RSL1D1: variants seen among roughly 807,000 people sequenced by gnomAD.
RSL1D1 encodes the protein ribosomal L1 domain containing 1.
In RSL1D1, 34 loss-of-function variants were observed where a neutral mutation model predicts 44.6. The observed-to-expected ratio is 0.76, with a 90% confidence interval of 0.58 to 1.02. RSL1D1 has a LOEUF of 1.02. Ranked by LOEUF, RSL1D1 falls within the 50% of genes least tolerant of loss-of-function variation. The pLI is 0.00. For missense variants in RSL1D1, 767 were observed against 568.1 expected (o/e 1.35, Z -3.56); for synonymous variants, 271 against 207.4 (o/e 1.31, Z -2.63).
intron 7 of RSL1D1, 107 bp from the exon 8 acceptor site, chr16:11,840,092 G>A: frequency 6.9e-7 from 1 of 1,447,380 alleles, no homozygotes; most frequent in East Asian, 2.3e-5. Flanking sequence ...CCCCTAAATG[G>A]ACCTCGATCT....
intron 5 of RSL1D1, among the ~76,000 whole-genome samples, chr16:11,844,149 CA>C (rs2053783007): frequency 6.6e-6 from 1 of 152,162 alleles, no homozygotes; most frequent in African/African-American, 2.4e-5. Context: ...TGCCTGTCAC[CA>C]CCTGCCTGCA....
intron 7 of RSL1D1, among the ~76,000 whole-genome samples, chr16:11,841,085 G>T (rs1161956179): frequency 6.6e-6 from 1 of 152,084 alleles, no homozygotes; most frequent in Non-Finnish European, 1.5e-5. Flanking sequence ...GGAAATATGT[G>T]GTAGGAACTT....
At position 11,835,968 on chromosome 16, in the gene RSL1D1, G is replaced by C. The variant is rs2141248911; in HGVS notation, c.*1819C>G. The C allele has an allele frequency of 6.6e-6, 1 of 152,272 alleles. No homozygotes were observed. 9.4% of individuals were successfully genotyped at this position (152,272 alleles called of 1,614,324 possible). ...TCCCTCGTGGCTTGGATAAAATCCAGGGCCTGTGGCTCTGGAATGTCTAGA... is the reference window on the plus strand; with the variant it reads ...TCCCTCGTGGCTTGGATAAAATCCACGGCCTGTGGCTCTGGAATGTCTAGA... On this transcript the variant is annotated 3_prime_UTR_variant, in exon 9 of 9. Coordinates refer to ENST00000571133, the MANE Select transcript of RSL1D1 (RefSeq NM_015659.3).
At position 11,838,082 on chromosome 16, in the gene RSL1D1, G is replaced by A. The variant is rs530872170; in HGVS notation, c.1178C>T (p.Pro393Leu). Reference protein sequence around the residue: ...IQKHATGKKSPAKSPNPSTPR... With the variant: ...IQKHATGKKSLAKSPNPSTPR... The stretch of plus-strand genomic sequence containing the variant: ...TGTGCTGGGATTAGGACTCTTTGCT[G>A]GAGACTTCTTTCCTGTGGCATGTTT... Residue 393 changes from proline to leucine, a missense_variant, in exon 9 of 9, where the codon CCA becomes CTA. Coordinates refer to ENST00000571133, the MANE Select transcript of RSL1D1 (RefSeq NM_015659.3). The A allele has an allele frequency of 3.2e-6, 5 of 1,585,038 alleles. No individual in the cohort carries two copies. The Middle Eastern group carries it at 6.8e-4, about 215-fold the overall frequency.
rs2053702251 is a variant in RSL1D1, at chr16:11,834,250, T to TA, written c.*3536dup. 1 of 152,230 alleles carries TA rather than the reference T, an allele frequency of 6.6e-6. No homozygotes were observed. The highest frequency in any genetic ancestry group is 2.1e-4 in the South Asian group (1 of 4,834). 9.4% of individuals were successfully genotyped at this position (152,230 alleles called of 1,614,324 possible). A position where few individuals can be genotyped will look rare whatever the true frequency, so the allele number is the denominator to read the frequency against. On this transcript the variant is annotated 3_prime_UTR_variant, in exon 9 of 9. Transcript: ENST00000571133. ...CAACTTTTTGATGGTATAAAAGCGA[T>TA]ACATAATCAGTACAAACCATATACA...
intron 7 of RSL1D1, chr16:11,841,327 G>A (rs931613615): frequency 5.8e-6 from 1 of 171,508 alleles, no homozygotes; most frequent in African/African-American, 2.4e-5. Context: ...AGGATTGCTT[G>A]AGCTCAGGAG....
intron 7 of RSL1D1, 136 bp downstream of exon 7, chr16:11,841,557 TAA>T (rs1223539337): frequency 1.3e-6 from 1 of 750,672 alleles, no homozygotes; most frequent in Non-Finnish European, 2.1e-6. Context: ...TTACCTCATG[TAA>T]AGTGACAAAA....
Position 11,835,774 on chromosome 16 carries a change from G to A in RSL1D1, c.*2013C>T, listed in dbSNP as rs2053711899. 6.6e-6 allele frequency: 1 copy of A among 152,448 alleles called. No individual in the cohort carries two copies. Among genetic ancestry groups the A allele is most frequent in the African/African-American group, 2.4e-5 (1 of 41,450 alleles). The allele number at this position is 152,448 out of a possible 1,614,324, so 9.4% of individuals were successfully genotyped here. ...GGGATTATGTTGCGAAAAGCTGAGT[G>A]TTGGGAGAAGCTGAGGCAGGGCTTG... On this transcript the variant is annotated 3_prime_UTR_variant, in exon 9 of 9. Transcript: ENST00000571133.
intron 4 of RSL1D1, 22 bp downstream of exon 4, chr16:11,846,673 C>A (rs1321086386): frequency 6.2e-7 from 1 of 1,613,214 alleles, no homozygotes; most frequent in Admixed American, 1.7e-5. Flanking sequence ...TGCTAAAGTC[C>A]AGTCATTACT....
intron 2 of RSL1D1, among the ~76,000 whole-genome samples, chr16:11,849,060 T>G (rs375088394): frequency 1.3e-5 from 2 of 152,158 alleles, no homozygotes; most frequent in African/African-American, 4.8e-5. Flanking sequence ...ATTACAGGGA[T>G]GAGTCACCAT....
In RSL1D1 at chr16:11,834,203, A is replaced by G. The variant is rs2053702069; in HGVS notation, c.*3584T>C. The stretch of plus-strand genomic sequence containing the variant: ...TAGTACAGAATGTACCCATTTTAGG[A>G]TGATTCAACTTTATGATTTTTCAAC... On this transcript the variant is annotated 3_prime_UTR_variant, in exon 9 of 9. Coordinates refer to ENST00000571133, the MANE Select transcript of RSL1D1 (RefSeq NM_015659.3). 6.6e-6 allele frequency: 1 copy of G among 152,214 alleles called. No homozygotes were observed. Among genetic ancestry groups the G allele is most frequent in the African/African-American group, 2.4e-5 (1 of 41,450 alleles). The allele number at this position is 152,214 out of a possible 1,614,324, so 9.4% of individuals were successfully genotyped here.
Position 11,846,602 on chromosome 16 carries a change from T to G in RSL1D1, c.534A>C (p.Lys178Asn), listed in dbSNP as rs1400220720. The G allele has an allele frequency of 6.2e-7, 1 of 1,609,188 alleles. No homozygotes were observed. The highest frequency in any genetic ancestry group is 1.7e-5 in the Admixed American group (1 of 59,618). ...ACAGAAGGTTTACAGATACTGGAACTCTACAAAATAAACACACAGGCATTC... is the reference window on the plus strand; with the variant it reads ...ACAGAAGGTTTACAGATACTGGAACGCTACAAAATAAACACACAGGCATTC... ...LIGRHFYQRK[K>N]VPVSVNLLSK... Residue 178 changes from lysine to asparagine, a missense_variant and splice_region_variant, in exon 5 of 9, where the codon AAA becomes AAC. By Grantham distance (94) the Lys-to-Asn change is moderately conservative. Coordinates refer to ENST00000571133, the MANE Select transcript of RSL1D1 (RefSeq NM_015659.3).
chr16:11,838,747 C>G (rs1459043334), intron 8 of RSL1D1, among the ~76,000 whole-genome samples: 1 of 150,838 alleles, frequency 6.6e-6, no homozygotes, highest in Non-Finnish European at 1.5e-5. Flanking sequence ...ATCCCAGCTA[C>G]TCAGGAGGCT....
intron 8 of RSL1D1, 115 bp downstream of exon 8, chr16:11,839,578 TCA>T (rs1367836259): frequency 8.7e-6 from 11 of 1,271,070 alleles, no homozygotes; most frequent in East Asian, 2.6e-5. Flanking sequence ...ATAACCACCT[TCA>T]CAGTTCTTTG....
At chr16:11,840,321 T>C (rs1375047109) in intron 7 of RSL1D1, among the ~76,000 whole-genome samples, 2 of 151,926 alleles carry the variant, frequency 1.3e-5, no homozygotes, top group Admixed American at 1.3e-4. Context: ...ATCACAGCAC[T>C]CAGGGAGGCT....
At chr16:11,851,281 G>A (rs574503865) in intron 1 of RSL1D1, 127 bp downstream of exon 1, 3 of 872,740 alleles carry the variant, frequency 3.4e-6, no homozygotes, top group Admixed American at 3.6e-5. Flanking sequence ...TGAGGCACAC[G>A]GCCCGCCAGC....
intron 2 of RSL1D1, among the ~76,000 whole-genome samples, chr16:11,848,838 C>T (rs771224833): frequency 4.0e-5 from 6 of 150,942 alleles, no homozygotes; most frequent in Non-Finnish European, 8.8e-5. Context: ...CTCACTGTCG[C>T]CCAGGCTGGA....
At chr16:11,849,705 T>G (rs1057433942) in intron 2 of RSL1D1, among the ~76,000 whole-genome samples, 2 of 152,218 alleles carry the variant, frequency 1.3e-5, no homozygotes, top group Admixed American at 6.5e-5. Flanking sequence ...TAAAGCTGTT[T>G]AACTTATTCC....
chr16:11,841,236 T>C lies in RSL1D1; in HGVS notation c.855+459A>G, dbSNP rs182605284. ...ATCAGCCTGGGAAACAGGGCGACCA[T>C]GTGTGTACAAAAAATAATTTAAAAA... On this transcript the variant is annotated intron_variant, in intron 7 of 8. Coordinates refer to ENST00000571133, the MANE Select transcript of RSL1D1 (RefSeq NM_015659.3). Among the ~76,000 whole-genome samples, 73 of 152,098 alleles carry C rather than the reference T, an allele frequency of 4.8e-4. 1 individual carries two copies. The East Asian group carries it at 0.013, about 27-fold the overall frequency.
Sources: gnomAD v4.1 joint callset for allele counts (sites outside exome capture counted in the v4.1 genomes callset) on GRCh38, gnomAD v4.1.1 for gene constraint, MANE v1.5 for transcripts, NCBI Gene and HGNC (gene_info 2026-07-23, HGNC 2026-07-21) for gene names.